ENOSF1: variants seen among roughly 807,000 people sequenced by gnomAD.
ENOSF1 encodes the protein mitochondrial enolase superfamily member 1.
In ENOSF1, 73 loss-of-function variants were observed where a neutral mutation model predicts 68.2. The observed-to-expected ratio is 1.07, with a 90% CI of 0.89 to 1.30. The LOEUF is 1.30. Ranked by LOEUF, ENOSF1 falls within the 50% of genes most tolerant of loss-of-function variation. ENOSF1 has a pLI of 0.00. For synonymous variants in ENOSF1, 223 were observed against 210.4 expected, an observed-to-expected ratio of 1.06 and a Z score of -0.52; for missense variants, 589 against 554.5, an observed-to-expected ratio of 1.06 and a Z score of -0.62.
chr18:701,615 G>A (rs1268294772), intron 2 of ENOSF1, among the ~76,000 whole-genome samples: 4 of 151,950 alleles, frequency 2.6e-5, no homozygotes, highest in Non-Finnish European at 2.9e-5. Flanking sequence ...AAAATTAGCC[G>A]GGCGTGGTGG....
chr18:708,866 T>C (rs1197679722), intron 1 of ENOSF1, among the ~76,000 whole-genome samples: 1 of 151,834 alleles, frequency 6.6e-6, no homozygotes, highest in Non-Finnish European at 1.5e-5. Context: ...CCTGAAGGAG[T>C]TGAGCGATGA....
chr18:708,336 G>A (rs1447264477), intron 1 of ENOSF1, among the ~76,000 whole-genome samples: 4 of 151,986 alleles, frequency 2.6e-5, no homozygotes, highest in Non-Finnish European at 5.9e-5. Flanking sequence ...TTGCTAGGGG[G>A]TTACAGATAC....
intron 8 of ENOSF1, among the ~76,000 whole-genome samples, chr18:689,854 T>G (rs34677798): frequency 0.23 from 34,247 of 151,080 alleles, 4,909 homozygotes; most frequent in African/African-American, 0.39. Flanking sequence ...AAGGCATGAT[T>G]GTGGGGTTGG....
At chr18:690,915 C>T (rs2077091124) in intron 7 of ENOSF1, 153 bp downstream of exon 7, 5 of 1,167,738 alleles carry the variant, frequency 4.3e-6, no homozygotes, top group Non-Finnish European at 6.0e-6. Context: ...TCATACCCAG[C>T]AGGCTTCACC....
At chr18:667,007 AT>A (rs2074845363), downstream of ENOSF1, among the ~76,000 whole-genome samples, 1 of 6,494 alleles carries the variant, frequency 1.5e-4, no homozygotes, top group Non-Finnish European at 3.7e-4. Context: ...GGAGATGGTG[AT>A]GGTGATGGAG....
intron 2 of ENOSF1, among the ~76,000 whole-genome samples, chr18:702,845 A>G (rs1598776984): frequency 6.6e-6 from 1 of 152,360 alleles, no homozygotes; most frequent in African/African-American, 2.4e-5. Flanking sequence ...ATACCCAACC[A>G]AAAACTACAT....
rs933563429 is a variant in ENOSF1, at chr18:672,778, G to T, written c.*1527C>A. ...AATAGAACTTTGTTGATCACATCCT[G>T]TGTACTTGTTTCACGGACATGAGGA... On this transcript the variant is annotated 3_prime_UTR_variant, in exon 16 of 16. Transcript: ENST00000647584. 23 of 1,433,468 alleles carry T rather than the reference G, an allele frequency of 1.6e-5. No homozygotes were observed. The highest frequency in any genetic ancestry group is 9.7e-5 in the Admixed American group (5 of 51,302). 88.8% of individuals were successfully genotyped at this position (1,433,468 alleles called of 1,614,324 possible).
chr18:690,815 T>C (rs2077080354), intron 7 of ENOSF1, 184 bp from the exon 8 acceptor site: 9 of 1,454,686 alleles, frequency 6.2e-6, no homozygotes, highest in Non-Finnish European at 8.2e-6. Context: ...TCTCACGGAC[T>C]GCCCTGCTCC....
At chr18:687,256 A>G (rs1269144749) in intron 9 of ENOSF1, 1 of 152,228 alleles carries the variant, frequency 6.6e-6, no homozygotes, top group Non-Finnish European at 1.5e-5. Context: ...TCAGATGCCA[A>G]CACCTCTTTC....
chr18:669,112 T>A, downstream of ENOSF1: 1 of 1,614,200 alleles, frequency 6.2e-7, no homozygotes, highest in Non-Finnish European at 8.5e-7. Context: ...AAAGAGTGAT[T>A]GACACCATCA....
chr18:666,305 G>A (rs1371598213), downstream of ENOSF1, among the ~76,000 whole-genome samples: 1 of 151,876 alleles, frequency 6.6e-6, no homozygotes, highest in Non-Finnish European at 1.5e-5. Context: ...GCTTTGTTGT[G>A]GCTTTAATCT....
intron 2 of ENOSF1, among the ~76,000 whole-genome samples, chr18:705,619 G>C (rs1450265868): frequency 6.6e-6 from 1 of 152,184 alleles, no homozygotes; most frequent in African/African-American, 2.4e-5. Context: ...GCATCTTAAA[G>C]AATCTGCTCT....
chr18:663,134 A>G, the ENOSF1 span, among the ~76,000 whole-genome samples: 1 of 96,232 alleles, frequency 1.0e-5, no homozygotes, highest in Admixed American at 8.7e-5. Flanking sequence ...TCCCACCAAC[A>G]GTATAAAAGT....
rs1442205470 is a variant in ENOSF1, at chr18:670,704, T to C, written c.*3601A>G. The C allele has an allele frequency of 6.2e-7, 1 of 1,613,916 alleles. No homozygotes were observed. The highest frequency in any genetic ancestry group is 8.5e-7 in the Non-Finnish European group (1 of 1,179,970). On this transcript the variant is annotated 3_prime_UTR_variant, in exon 16 of 16. Transcript: ENST00000647584. ...GCTGGTTCCTCAGATCTTCCTCTGA[T>C]GGCGCTGCCTCCATGCCATGCCCTC...
intron 2 of ENOSF1, among the ~76,000 whole-genome samples, chr18:704,778 G>C (rs1169689019): frequency 6.6e-6 from 1 of 151,938 alleles, no homozygotes; most frequent in Non-Finnish European, 1.5e-5. Context: ...GGTAATTTTT[G>C]TATTTTTAGT....
At chr18:683,623 G>A (rs550154004) in intron 10 of ENOSF1, among the ~76,000 whole-genome samples, 45 of 152,272 alleles carry the variant, frequency 3.0e-4, no homozygotes, top group Middle Eastern at 3.4e-3. Flanking sequence ...AGGAGCCACT[G>A]GATGTCCAGC....
chr18:673,151 G>A lies in ENOSF1; in HGVS notation c.*1154C>T. 2 of 785,004 alleles carry A rather than the reference G, an allele frequency of 2.5e-6. No individual in the cohort carries two copies. Among genetic ancestry groups the A allele is most frequent in the East Asian group, 2.7e-5 (1 of 37,668 alleles). 48.6% of individuals were successfully genotyped at this position (785,004 alleles called of 1,614,324 possible). The stretch of plus-strand genomic sequence containing the variant: ...ATTAATTTTTAAGGATGTTGCCACT[G>A]GCAAATGTAACTGTGCCAGTTCTTT... On this transcript the variant is annotated 3_prime_UTR_variant, in exon 16 of 16. Transcript: ENST00000647584.
In ENOSF1 at chr18:678,333, C is replaced by T. The variant is rs112699047; in HGVS notation, c.918+363G>A. ...ACTGCAGCAGGTTTTGGCAGGCACT[C>T]GGGCTTCATTTATAAGCTCAAAAAG... is the stretch of plus-strand genomic sequence containing the variant. On this transcript the variant is annotated intron_variant, in intron 12 of 15. Transcript: ENST00000647584. 27 of 334,572 alleles carry T rather than the reference C, an allele frequency of 8.1e-5. 1 individual carries two copies. The highest frequency in any genetic ancestry group is 9.1e-4 in the Middle Eastern group (1 of 1,102). 20.7% of individuals were successfully genotyped at this position (334,572 alleles called of 1,614,324 possible). A position where few individuals can be genotyped will look rare whatever the true frequency, so the allele number is the denominator to read the frequency against.
intron 2 of ENOSF1, among the ~76,000 whole-genome samples, chr18:705,615 T>TA (rs1427203338): frequency 6.6e-6 from 1 of 152,276 alleles, no homozygotes; most frequent in Admixed American, 6.5e-5. Context: ...GTATGCATCT[T>TA]AAAGAATCTG....
Sources: allele counts gnomAD v4.1 joint callset (sites outside exome capture counted in the v4.1 genomes callset), GRCh38; gene constraint gnomAD v4.1.1; transcripts MANE v1.5; gene names NCBI Gene and HGNC (gene_info 2026-07-23, HGNC 2026-07-21).